Variants in LRRTM3 observed in about 807,000 individuals in gnomAD.
LRRTM3 encodes leucine-rich repeat transmembrane neuronal protein 3.
Under a neutral mutation model 44.7 loss-of-function variants are expected in LRRTM3, and 24 were observed. That is an observed-to-expected ratio of 0.54 (90% CI 0.39 to 0.76). The LOEUF (loss-of-function observed/expected upper bound fraction) is 0.76. Ranked by LOEUF, LRRTM3 falls within the 30% of genes least tolerant of loss-of-function variation. The pLI is 0.00. For synonymous variants in LRRTM3, 277 were observed against 278.7 expected (o/e 0.99, Z 0.06); for missense variants, 587 against 702.2 (o/e 0.84, Z 1.85).
chr10:67,073,552 G>C (rs1856578639), intron 2 of LRRTM3, among the ~76,000 whole-genome samples: 1 of 151,348 alleles, frequency 6.6e-6, no homozygotes, highest in South Asian at 2.1e-4. Context: ...TAGATGCTAT[G>C]ATTAAGCCCA....
At chr10:66,949,449 T>A (rs1489255942) in intron 2 of LRRTM3, among the ~76,000 whole-genome samples, 1 of 151,996 alleles carries the variant, frequency 6.6e-6, no homozygotes, top group Non-Finnish European at 1.5e-5. Context: ...TCCCAGCTAC[T>A]TGGGAGGCTG....
Position 67,080,834 on chromosome 10 carries a change from G to A in LRRTM3, c.1537-16753G>A, listed in dbSNP as rs189205530. Among the ~76,000 whole-genome samples, 37 of 151,970 alleles carry A rather than the reference G, an allele frequency of 2.4e-4. No individual in the cohort carries two copies. In the East Asian group the frequency reaches 5.2e-3, roughly 22 times the overall value. On this transcript the variant is annotated intron_variant, in intron 2 of 2. Transcript: ENST00000361320. Reference sequence around the variant, plus strand: ...TGAGGCAGGAGAATGGCGTGAACCCGGGAGGCAGAGCTTGCAGTGAGCCCA... The same window carrying A: ...TGAGGCAGGAGAATGGCGTGAACCCAGGAGGCAGAGCTTGCAGTGAGCCCA...
intron 2 of LRRTM3, among the ~76,000 whole-genome samples, chr10:67,069,096 G>T (rs1369041565): frequency 6.6e-6 from 1 of 151,652 alleles, no homozygotes; most frequent in Non-Finnish European, 1.5e-5. Context: ...AACAGAAAAA[G>T]AAAAAGAAGA....
In LRRTM3 at chr10:66,926,946, C is replaced by A. The variant is rs763055807; in HGVS notation, c.30C>A (p.Ser10Arg). The stretch of plus-strand genomic sequence containing the variant: ...GTTTCAATGTAATTAGGCTACTGAG[C>A]GGATCAGCTGTAGCACTGGTTATAG... MGFNVIRLL[S>R]GSAVALVIAP... The change falls in exon 2 of 3, where the codon AGC becomes AGA. Residue 10 changes from serine (S) to arginine (R), a missense_variant. Physicochemically the swap from Ser to Arg is moderately radical, Grantham distance 110. Transcript: ENST00000361320. 2 of 1,599,376 alleles carry A rather than the reference C, an allele frequency of 1.3e-6. No homozygotes were observed. Among genetic ancestry groups the A allele is most frequent in the African/African-American group, 2.7e-5 (2 of 74,252 alleles).
chr10:67,072,397 T>C (rs1220818756), intron 2 of LRRTM3, among the ~76,000 whole-genome samples: 2 of 152,246 alleles, frequency 1.3e-5, no homozygotes, highest in Non-Finnish European at 1.5e-5. Flanking sequence ...ACTTTTTCTT[T>C]TGATTATTTG....
intron 2 of LRRTM3, among the ~76,000 whole-genome samples, chr10:67,078,937 C>T (rs1277091938): frequency 6.6e-6 from 1 of 152,192 alleles, no homozygotes; most frequent in African/African-American, 2.4e-5. Context: ...CAGTAGACCA[C>T]TTCATTTGAT....
chr10:66,928,559 C>G (rs1472745746), intron 2 of LRRTM3, 107 bp downstream of exon 2: 4 of 1,019,688 alleles, frequency 3.9e-6, no homozygotes, highest in African/African-American at 1.6e-5. Context: ...CTCCCCTTCC[C>G]TCTCCCTCTC....
At chr10:66,970,506 G>A (rs1328402837) in intron 2 of LRRTM3, among the ~76,000 whole-genome samples, 1 of 143,394 alleles carries the variant, frequency 7.0e-6, no homozygotes, top group Non-Finnish European at 1.5e-5. Flanking sequence ...CTTGGGTGGG[G>A]GGGGGATACA....
At chr10:67,080,529 T>C (rs1427478280) in intron 2 of LRRTM3, among the ~76,000 whole-genome samples, 2 of 152,214 alleles carry the variant, frequency 1.3e-5, no homozygotes, top group East Asian at 1.9e-4. Context: ...ATTTATGTTT[T>C]ATTATTTATC....
chr10:66,996,386 C>T (rs1238166076), intron 2 of LRRTM3, among the ~76,000 whole-genome samples: 2 of 152,126 alleles, frequency 1.3e-5, no homozygotes, highest in Non-Finnish European at 2.9e-5. Flanking sequence ...TGGCTCACGC[C>T]TGTAATCCTA....
At chr10:66,987,687 A>C (rs1033471049) in intron 2 of LRRTM3, among the ~76,000 whole-genome samples, 3 of 152,206 alleles carry the variant, frequency 2.0e-5, no homozygotes, top group Non-Finnish European at 4.4e-5. Flanking sequence ...AAGACTTACC[A>C]TTACACTTTA....
rs74875504 is a variant in LRRTM3, at chr10:66,975,119, G to A, written c.1536+46667G>A. Among the ~76,000 whole-genome samples, 851 of 152,150 alleles carry A rather than the reference G, an allele frequency of 5.6e-3. 11 individuals are homozygous for A. The highest frequency in any genetic ancestry group is 0.019 in the African/African-American group (805 of 41,510). ...TCATTCTTTAGTCCCATTTAAAATC[G>A]GCATTTCATCATTTCAAAAATCCTG... On this transcript the variant is annotated intron_variant, in intron 2 of 2. Coordinates refer to ENST00000361320, the MANE Select transcript of LRRTM3 (RefSeq NM_178011.5).
intron 2 of LRRTM3, among the ~76,000 whole-genome samples, chr10:67,080,186 CG>C (rs1856978389): frequency 6.6e-6 from 1 of 152,136 alleles, no homozygotes; most frequent in Non-Finnish European, 1.5e-5. Flanking sequence ...ATTCCTTTTA[CG>C]TGAGCTACTG....
chr10:67,054,108 C>T (rs1011639060), intron 2 of LRRTM3, among the ~76,000 whole-genome samples: 3 of 152,114 alleles, frequency 2.0e-5, no homozygotes, highest in Admixed American at 6.6e-5. Flanking sequence ...TAGTATCCAT[C>T]GCTCCTTTAT....
At chr10:67,006,062 A>G (rs1480403053) in intron 2 of LRRTM3, among the ~76,000 whole-genome samples, 1 of 152,038 alleles carries the variant, frequency 6.6e-6, no homozygotes, top group African/African-American at 2.4e-5. Flanking sequence ...TACAGTAATT[A>G]TCTACCACCT....
At chr10:67,058,703 T>C (rs545333158) in intron 2 of LRRTM3, among the ~76,000 whole-genome samples, 1 of 152,214 alleles carries the variant, frequency 6.6e-6, no homozygotes, top group South Asian at 2.1e-4. Flanking sequence ...AGTATACAAG[T>C]AGTGCAAGCT....
intron 2 of LRRTM3, among the ~76,000 whole-genome samples, chr10:67,024,297 T>C (rs1853213523): frequency 6.6e-6 from 1 of 152,238 alleles, no homozygotes; most frequent in African/African-American, 2.4e-5. Context: ...CTGACTTTAC[T>C]GCTTCTGTCT....
intron 2 of LRRTM3, among the ~76,000 whole-genome samples, chr10:66,951,090 CA>C (rs1848513901): frequency 2.7e-5 from 1 of 36,418 alleles, no homozygotes; most frequent in African/African-American, 2.0e-4. Flanking sequence ...ACATTAAATA[CA>C]CACACACACA....
chr10:67,051,947 G>C (rs898325621), intron 2 of LRRTM3, among the ~76,000 whole-genome samples: 6 of 150,564 alleles, frequency 4.0e-5, no homozygotes, highest in Non-Finnish European at 5.9e-5. Flanking sequence ...TAGAGATGCA[G>C]TTTCACCATG....
Sources: allele counts gnomAD v4.1 joint callset (sites outside exome capture counted in the v4.1 genomes callset), GRCh38; gene constraint gnomAD v4.1.1; transcripts MANE v1.5; gene names NCBI Gene and HGNC (gene_info 2026-07-23, HGNC 2026-07-21).